The following CSMD3 variants were observed in gnomAD, a reference collection of about 807,000 sequenced individuals.
CSMD3 encodes CUB and sushi domain-containing protein 3.
In CSMD3, 177 loss-of-function variants were observed where a neutral mutation model predicts 435.2. The observed-to-expected ratio is 0.41, with a 90% CI of 0.36 to 0.46. The LOEUF (loss-of-function observed/expected upper bound fraction) is 0.46. CSMD3 is among the 20% of genes least tolerant of loss of function. CSMD3 has a pLI of 0.34. For missense variants in CSMD3, 4,265 were observed against 4,504.6 expected (o/e 0.95, Z 1.52); for synonymous variants, 1,656 against 1,520.5 (o/e 1.09, Z -2.07).
chr8:113,042,351 T>C (rs1471056132), intron 5 of CSMD3, among the ~76,000 whole-genome samples: 2 of 152,162 alleles, frequency 1.3e-5, no homozygotes, highest in African/African-American at 4.8e-5. Flanking sequence ...ACAGCAAAAG[T>C]ATAAGATTAA....
In CSMD3 at chr8:113,145,526, T is replaced by A. The variant is rs1588149376; in HGVS notation, c.709+28196A>T. On this transcript the variant is annotated intron_variant, in intron 4 of 70. Transcript: ENST00000297405. ...AATTTTTACTATTTGTCATGTATCA[T>A]AATTGTAAAGACGTATTTTGCACTA... is the stretch of plus-strand genomic sequence containing the variant. Among the ~76,000 whole-genome samples the A allele has an allele frequency of 2.6e-5, 4 of 151,710 alleles. No homozygotes were observed. In the Middle Eastern group the frequency reaches 0.014, roughly 516 times the overall value.
intron 36 of CSMD3, among the ~76,000 whole-genome samples, chr8:112,387,574 C>A (rs1180643325): frequency 6.6e-6 from 1 of 150,528 alleles, no homozygotes; most frequent in Non-Finnish European, 1.5e-5. Context: ...AGAAAAAGGT[C>A]CTTGATAGTT....
intron 3 of CSMD3, among the ~76,000 whole-genome samples, chr8:113,178,489 C>A (rs2092378865): frequency 6.6e-6 from 1 of 151,544 alleles, no homozygotes; most frequent in Non-Finnish European, 1.5e-5. Context: ...TTGGTGGCTA[C>A]CAAAAGTAAT....
intron 1 of CSMD3, among the ~76,000 whole-genome samples, chr8:113,338,785 C>G (rs774243267): frequency 6.6e-6 from 1 of 151,798 alleles, no homozygotes; most frequent in Non-Finnish European, 1.5e-5. Context: ...GAATAATGTT[C>G]TTAAACTAGA....
intron 27 of CSMD3, among the ~76,000 whole-genome samples, chr8:112,546,711 A>G (rs141063347): frequency 6.6e-6 from 1 of 152,358 alleles, no homozygotes; most frequent in East Asian, 1.9e-4. Flanking sequence ...GAAGCTGACT[A>G]CTGAGAAGTG....
chr8:112,766,486 T>C (rs2077982415), intron 13 of CSMD3, among the ~76,000 whole-genome samples: 1 of 151,824 alleles, frequency 6.6e-6, no homozygotes, highest in Admixed American at 6.6e-5. Flanking sequence ...AAAATACATA[T>C]ATTTATAAAG....
chr8:113,350,765 A>C (rs2094184844), intron 1 of CSMD3, among the ~76,000 whole-genome samples: 1 of 152,186 alleles, frequency 6.6e-6, no homozygotes, highest in Non-Finnish European at 1.5e-5. Flanking sequence ...TCCATTAGTT[A>C]AGAATTAAGT....
intron 4 of CSMD3, among the ~76,000 whole-genome samples, chr8:113,109,207 A>G (rs2090568044): frequency 6.6e-6 from 1 of 152,230 alleles, no homozygotes; most frequent in South Asian, 2.1e-4. Flanking sequence ...ATCTTTTCCA[A>G]TTCTGGCCCT....
intron 3 of CSMD3, among the ~76,000 whole-genome samples, chr8:113,271,428 C>G (rs535750685): frequency 2.6e-5 from 4 of 152,236 alleles, no homozygotes; most frequent in African/African-American, 7.2e-5. Flanking sequence ...TGGTGCTCTG[C>G]GTCCCAGCTG....
At chr8:112,383,686 A>G (rs2131256069) in intron 36 of CSMD3, 23 bp from the exon 37 acceptor site, 1 of 1,337,260 alleles carries the variant, frequency 7.5e-7, no homozygotes, top group Non-Finnish European at 1.1e-6. Context: ...AATTACAGGT[A>G]AGAATACACA....
At chr8:113,011,634 G>A (rs1172524040) in intron 6 of CSMD3, among the ~76,000 whole-genome samples, 1 of 151,596 alleles carries the variant, frequency 6.6e-6, no homozygotes, top group Non-Finnish European at 1.5e-5. Flanking sequence ...AACTTTCCCA[G>A]TATTATTGAC....
chr8:113,320,366 A>G (rs1344425590), intron 1 of CSMD3, among the ~76,000 whole-genome samples: 1 of 152,092 alleles, frequency 6.6e-6, no homozygotes, highest in East Asian at 1.9e-4. Context: ...TTTGATTAAC[A>G]ATATTGATTT....
chr8:112,966,765 A>G (rs2084432493), intron 7 of CSMD3, among the ~76,000 whole-genome samples: 1 of 151,878 alleles, frequency 6.6e-6, no homozygotes, highest in African/African-American at 2.4e-5. Context: ...AAAGGTTGCC[A>G]AAACTAATTA....
chr8:113,119,557 A>T (rs982094909), intron 4 of CSMD3, among the ~76,000 whole-genome samples: 5 of 152,170 alleles, frequency 3.3e-5, no homozygotes, highest in Admixed American at 6.5e-5. Flanking sequence ...AAGATGCCCA[A>T]AGGAGGAAAA....
At chr8:112,917,460 AT>A (rs1236796195) in intron 10 of CSMD3, among the ~76,000 whole-genome samples, 2 of 151,836 alleles carry the variant, frequency 1.3e-5, no homozygotes, top group African/African-American at 4.8e-5. Context: ...CTAGGTGGCA[AT>A]TCTGTTTATT....
chr8:113,266,036 T>C (rs1381685774), intron 3 of CSMD3, among the ~76,000 whole-genome samples: 1 of 151,522 alleles, frequency 6.6e-6, no homozygotes, highest in African/African-American at 2.4e-5. Context: ...AATGGAATTT[T>C]ATAACATAAT....
chr8:113,009,041 T>C (rs959885175), intron 6 of CSMD3, among the ~76,000 whole-genome samples: 3 of 151,698 alleles, frequency 2.0e-5, no homozygotes, highest in Non-Finnish European at 4.4e-5. Flanking sequence ...TGCTTACATA[T>C]AATTAAAATT....
At chr8:112,402,646 TG>T (rs1831441205) in intron 35 of CSMD3, among the ~76,000 whole-genome samples, 1 of 152,082 alleles carries the variant, frequency 6.6e-6, no homozygotes, top group African/African-American at 2.4e-5. Context: ...ATATTAAAAG[TG>T]ACACAGAAAT....
intron 1 of CSMD3, among the ~76,000 whole-genome samples, chr8:113,374,588 T>G (rs1282486890): frequency 6.6e-6 from 1 of 152,012 alleles, no homozygotes; most frequent in Non-Finnish European, 1.5e-5. Context: ...TGAAATCTAG[T>G]GAAATACACA....
Sources: gnomAD v4.1 joint callset for allele counts (sites outside exome capture counted in the v4.1 genomes callset) on GRCh38, gnomAD v4.1.1 for gene constraint, MANE v1.5 for transcripts, NCBI Gene and HGNC (gene_info 2026-07-23, HGNC 2026-07-21) for gene names.